FBXL20: variants seen among roughly 807,000 people sequenced by gnomAD.
The protein encoded by FBXL20 is F-box/LRR-repeat protein 20.
In FBXL20, 11 loss-of-function variants were observed where a neutral mutation model predicts 64.0. The ratio of observed to expected loss-of-function variants is 0.17; its 90% CI spans 0.11 to 0.28. The LOEUF is 0.28. Among genes scored for constraint, FBXL20 ranks in the 10% least tolerant of loss-of-function variants. The probability of loss-of-function intolerance (pLI) is 1.00; values close to 1 mark genes in which losing one functional copy is unlikely to be tolerated. For synonymous variants in FBXL20, 184 were observed against 189.0 expected (o/e 0.97, Z 0.22); for missense variants, 303 against 526.2 (o/e 0.58, Z 4.15).
chr17:39,328,881 C>T (rs568331140), intron 2 of FBXL20, among the ~76,000 whole-genome samples: 2 of 152,108 alleles, frequency 1.3e-5, no homozygotes, highest in African/African-American at 4.8e-5. Flanking sequence ...AATGAGATCC[C>T]TATCTCTACA....
chr17:39,376,831 T>C (rs952130720), intron 1 of FBXL20, among the ~76,000 whole-genome samples: 1 of 152,036 alleles, frequency 6.6e-6, no homozygotes, highest in Non-Finnish European at 1.5e-5. Context: ...TGATACCCTG[T>C]CTCTACAAAA....
chr17:39,356,568 A>T (rs1370849991), intron 1 of FBXL20, among the ~76,000 whole-genome samples: 1 of 152,008 alleles, frequency 6.6e-6, no homozygotes, highest in African/African-American at 2.4e-5. Flanking sequence ...GTTGCCTAGG[A>T]TAGTCTTGAA....
intron 9 of FBXL20, among the ~76,000 whole-genome samples, chr17:39,280,945 G>T (rs1395814480): frequency 2.6e-5 from 4 of 152,046 alleles, no homozygotes; most frequent in Non-Finnish European, 5.9e-5. Context: ...TGCACCTTTT[G>T]TAGAGACGGG....
chr17:39,258,157 T>C lies in FBXL20; in HGVS notation c.*3303A>G, dbSNP rs952667822. 2.0e-5 allele frequency: 3 copies of C among 152,184 alleles called. No individual in the cohort carries two copies. The highest frequency in any genetic ancestry group is 7.2e-5 in the African/African-American group (3 of 41,446). The allele number at this position is 152,184 out of a possible 1,614,324, so 9.4% of individuals were successfully genotyped here. ...TAAAAGGCATATTTTGGAGTGGCTA[T>C]GAGGTTAGACAAACAGATCAATTAG... On this transcript the variant is annotated 3_prime_UTR_variant, in exon 15 of 15. Transcript: ENST00000264658.
chr17:39,312,246 C>G (rs2047241449), intron 2 of FBXL20, among the ~76,000 whole-genome samples: 1 of 151,944 alleles, frequency 6.6e-6, no homozygotes, highest in Non-Finnish European at 1.5e-5. Context: ...AAAACCCCAT[C>G]TCTACTAAAC....
intron 2 of FBXL20, among the ~76,000 whole-genome samples, chr17:39,308,233 C>T (rs1280317631): frequency 6.6e-6 from 1 of 151,926 alleles, no homozygotes; most frequent in African/African-American, 2.4e-5. Context: ...CCACCTTGGC[C>T]TCCCAAAGTG....
At chr17:39,381,357 C>G (rs1475452488) in intron 1 of FBXL20, among the ~76,000 whole-genome samples, 1 of 149,730 alleles carries the variant, frequency 6.7e-6, no homozygotes, top group Non-Finnish European at 1.5e-5. Flanking sequence ...GCATACACCT[C>G]TGGTCCCAGC....
chr17:39,373,238 T>C (rs1268631216), intron 1 of FBXL20, among the ~76,000 whole-genome samples: 1 of 152,210 alleles, frequency 6.6e-6, no homozygotes, highest in Non-Finnish European at 1.5e-5. Context: ...TCTGTACTTC[T>C]TTAAAGAGAT....
intron 1 of FBXL20, among the ~76,000 whole-genome samples, chr17:39,365,174 G>A (rs148689144): frequency 6.6e-6 from 1 of 152,158 alleles, no homozygotes; most frequent in Non-Finnish European, 1.5e-5. Context: ...TGAAGCTGCA[G>A]AAGATTTTTT....
At position 39,260,092 on chromosome 17, in the gene FBXL20, A is replaced by G. The variant is rs2144327163; in HGVS notation, c.*1368T>C. Reference sequence around the variant, plus strand: ...GCCAACACTAGATATGAATCCATTAACACTGACATACAATTGACCAGCTGT... The same window carrying G: ...GCCAACACTAGATATGAATCCATTAGCACTGACATACAATTGACCAGCTGT... On this transcript the variant is annotated 3_prime_UTR_variant, in exon 15 of 15. Transcript: ENST00000264658. The G allele has an allele frequency of 6.6e-6, 1 of 152,034 alleles. No homozygotes were observed. The highest frequency in any genetic ancestry group is 3.4e-3 in the Middle Eastern group (1 of 294). The allele number at this position is 152,034 out of a possible 1,614,324, so 9.4% of individuals were successfully genotyped here. A position where few individuals can be genotyped will look rare whatever the true frequency, so the allele number is the denominator to read the frequency against.
In FBXL20 at chr17:39,320,372, G is replaced by A. The variant is rs139406272; in HGVS notation, c.105-16733C>T. Among the ~76,000 whole-genome samples, 154 of 152,146 alleles carry A rather than the reference G, an allele frequency of 1.0e-3. 1 individual carries two copies. Among genetic ancestry groups the A allele is most frequent in the African/African-American group, 3.5e-3 (146 of 41,528 alleles). On this transcript the variant is annotated intron_variant, in intron 2 of 14. Transcript: ENST00000264658. Reference sequence around the variant, plus strand: ...TCTATTTGATCATACTTGCCTGTCTGCCTTCATCCATTCCCTCCTTCCTGA... The same window carrying A: ...TCTATTTGATCATACTTGCCTGTCTACCTTCATCCATTCCCTCCTTCCTGA...
intron 6 of FBXL20, among the ~76,000 whole-genome samples, chr17:39,290,158 A>G (rs796621396): frequency 7.2e-5 from 11 of 151,794 alleles, no homozygotes; most frequent in African/African-American, 2.7e-4. Flanking sequence ...GTTTATCCTT[A>G]TATTTTTTAT....
At chr17:39,325,291 TTGGAG>T (rs1301989375) in intron 2 of FBXL20, among the ~76,000 whole-genome samples, 1 of 152,076 alleles carries the variant, frequency 6.6e-6, no homozygotes, top group Admixed American at 6.6e-5. Context: ...AGAAAGAAGG[TTGGAG>T]TGGAGAGACA....
chr17:39,341,802 C>T (rs2047585615), intron 2 of FBXL20, among the ~76,000 whole-genome samples: 1 of 152,168 alleles, frequency 6.6e-6, no homozygotes, highest in African/African-American at 2.4e-5. Context: ...TTGTGATAGC[C>T]AAGTCTGGTT....
intron 9 of FBXL20, among the ~76,000 whole-genome samples, chr17:39,279,140 T>C (rs910661655): frequency 5.3e-5 from 8 of 151,796 alleles, no homozygotes; most frequent in African/African-American, 1.5e-4. Flanking sequence ...CGAGACTCCG[T>C]CTCTAAATAA....
chr17:39,288,027 G>C (rs567747946), intron 6 of FBXL20, among the ~76,000 whole-genome samples: 1 of 139,936 alleles, frequency 7.1e-6, no homozygotes, highest in East Asian at 2.1e-4. Context: ...GCAGTGGCAT[G>C]ATCTCAGCTC....
intron 1 of FBXL20, among the ~76,000 whole-genome samples, chr17:39,394,375 C>T (rs1448853558): frequency 6.6e-6 from 1 of 151,208 alleles, no homozygotes; most frequent in Admixed American, 6.6e-5. Context: ...CAGGTTCACG[C>T]CATTCTCCTG....
intron 1 of FBXL20, among the ~76,000 whole-genome samples, chr17:39,385,619 T>G (rs903050488): frequency 3.3e-5 from 5 of 151,948 alleles, no homozygotes; most frequent in Non-Finnish European, 5.9e-5. Context: ...GCCAAGGAGG[T>G]TGATGCTCAA....
rs573095042 is a variant in FBXL20, at chr17:39,334,333, G to A, written c.104+8847C>T. The stretch of plus-strand genomic sequence containing the variant: ...AAGTACCCAGGGACACAAACACTGC[G>A]GAAGGCAGCAGGGCCCACTGCCTAG... On this transcript the variant is annotated intron_variant, in intron 2 of 14. Coordinates refer to ENST00000264658, the MANE Select transcript of FBXL20 (RefSeq NM_032875.3). Among the ~76,000 whole-genome samples, 23 of 152,022 alleles carry A rather than the reference G, an allele frequency of 1.5e-4. No individual in the cohort carries two copies. In the South Asian group the frequency reaches 3.8e-3, roughly 25 times the overall value.
Sources: gnomAD v4.1 joint callset for allele counts (sites outside exome capture counted in the v4.1 genomes callset) on GRCh38, gnomAD v4.1.1 for gene constraint, MANE v1.5 for transcripts, NCBI Gene and HGNC (gene_info 2026-07-23, HGNC 2026-07-21) for gene names.